DNAI4: variants seen among roughly 807,000 people sequenced by gnomAD.
DNAI4 encodes the protein WD repeat domain 78.
DNAI4 carries 85 observed loss-of-function variants against 105.8 expected under a neutral mutation model. The observed-to-expected ratio is 0.80, with a 90% CI of 0.67 to 0.96. The LOEUF (loss-of-function observed/expected upper bound fraction) is 0.96, where lower values mean the gene tolerates loss of function less well. Ranked by LOEUF, DNAI4 falls within the 40% of genes least tolerant of loss-of-function variation. DNAI4 has a pLI of 0.00. For missense variants in DNAI4, 1,014 were observed against 1,005.6 expected (o/e 1.01, Z -0.11); for synonymous variants, 352 against 331.5 (o/e 1.06, Z -0.67).
At chr1:66,829,365 C>A (rs1366052942) in intron 13 of DNAI4, among the ~76,000 whole-genome samples, 1 of 151,850 alleles carries the variant, frequency 6.6e-6, no homozygotes, top group Admixed American at 6.6e-5. Context: ...AAAGAAAAAG[C>A]ATAAAAAATG....
rs7414581 is a variant in DNAI4, at chr1:66,903,793, C to A, written c.345+1408G>T. ...TAAAGGCATAAGCCACCATGCCCAG[C>A]TGGATGCTTTTTATTTCTTTTCCTT... On this transcript the variant is annotated intron_variant, in intron 2 of 16. Coordinates refer to ENST00000371026, the MANE Select transcript of DNAI4 (RefSeq NM_024763.5). Among the ~76,000 whole-genome samples, 575 of 152,308 alleles carry A rather than the reference C, an allele frequency of 3.8e-3. 3 individuals are homozygous for A. The highest frequency in any genetic ancestry group is 0.013 in the African/African-American group (529 of 41,566).
intron 3 of DNAI4, among the ~76,000 whole-genome samples, chr1:66,892,983 AAGAAAGAAAGAAAGAG>A (rs1483245834): frequency 5.9e-4 from 78 of 132,124 alleles, no homozygotes; most frequent in African/African-American, 2.5e-3. Flanking sequence ...GAAAGAAAGA[AAGAAAGAAAGAAAGAG>A]AGAAAGAGAG....
At chr1:66,893,008 AG>A (rs374157267) in intron 3 of DNAI4, among the ~76,000 whole-genome samples, 2 of 110,262 alleles carry the variant, frequency 1.8e-5, no homozygotes, top group African/African-American at 3.7e-5. Flanking sequence ...AGAGAAAGAG[AG>A]AGAGGAAAGA....
chr1:66,865,414 AC>A (rs1646713107), intron 6 of DNAI4, among the ~76,000 whole-genome samples: 1 of 152,156 alleles, frequency 6.6e-6, no homozygotes, highest in Non-Finnish European at 1.5e-5. Context: ...TCAGAGCAAG[AC>A]CCCATCTCAA....
intron 9 of DNAI4, 26 bp downstream of exon 9, chr1:66,840,442 GA>G (rs1387175928): frequency 6.3e-7 from 1 of 1,588,116 alleles, no homozygotes; most frequent in African/African-American, 1.3e-5. Flanking sequence ...GCTAGAAACA[GA>G]ATTGTTCAAA....
intron 16 of DNAI4, among the ~76,000 whole-genome samples, chr1:66,819,592 C>T (rs1052730522): frequency 6.6e-6 from 1 of 151,934 alleles, no homozygotes; most frequent in Admixed American, 6.6e-5. Flanking sequence ...TTCCAAGGGG[C>T]TCATACTAGT....
At chr1:66,924,571 C>T in intron 1 of DNAI4, 91 bp downstream of exon 1, 1 of 1,576,772 alleles carries the variant, frequency 6.3e-7, no homozygotes, top group Non-Finnish European at 8.7e-7. Flanking sequence ...GGGTAGGGCC[C>T]CTTTCCAAAT....
At chr1:66,906,645 C>A (rs746053341) in intron 1 of DNAI4, among the ~76,000 whole-genome samples, 5 of 151,934 alleles carry the variant, frequency 3.3e-5, no homozygotes, top group Non-Finnish European at 7.4e-5. Context: ...CCTAGTATAC[C>A]ATGGACACTT....
intron 1 of DNAI4, among the ~76,000 whole-genome samples, chr1:66,916,083 TAA>T (rs34693536): frequency 4.3e-5 from 5 of 117,462 alleles, no homozygotes; most frequent in Non-Finnish European, 1.7e-5. Context: ...AGACTCTGTC[TAA>T]AAAAAAAAAA....
chr1:66,822,760 T>G (rs17129478), intron 15 of DNAI4, among the ~76,000 whole-genome samples: 19,776 of 152,128 alleles, frequency 0.13, 1,537 homozygotes, highest in East Asian at 0.21. Flanking sequence ...AACTCATAAA[T>G]TTAAACTTCT....
At chr1:66,838,176 T>C (rs1000408275) in intron 9 of DNAI4, among the ~76,000 whole-genome samples, 1 of 152,246 alleles carries the variant, frequency 6.6e-6, no homozygotes, top group African/African-American at 2.4e-5. Flanking sequence ...GTAGCTGCCA[T>C]AGACTGAATT....
At chr1:66,872,809 G>C (rs1465992920) in intron 5 of DNAI4, among the ~76,000 whole-genome samples, 1 of 151,798 alleles carries the variant, frequency 6.6e-6, no homozygotes, top group East Asian at 1.9e-4. Flanking sequence ...TCCCCTCCTG[G>C]AGAAGCAATT....
At chr1:66,816,518 A>G (rs1214457503) in intron 16 of DNAI4, among the ~76,000 whole-genome samples, 1 of 152,122 alleles carries the variant, frequency 6.6e-6, no homozygotes, top group African/African-American at 2.4e-5. Context: ...GAAGAAAGAA[A>G]AGGTATATCA....
intron 7 of DNAI4, among the ~76,000 whole-genome samples, chr1:66,851,576 T>C (rs763115399): frequency 1.1e-4 from 17 of 151,954 alleles, no homozygotes; most frequent in Admixed American, 7.9e-4. Flanking sequence ...AGAGAAATCA[T>C]AGTGTCTTCT....
At chr1:66,856,457 A>C (rs943611735) in intron 7 of DNAI4, among the ~76,000 whole-genome samples, 1 of 152,090 alleles carries the variant, frequency 6.6e-6, no homozygotes, top group African/African-American at 2.4e-5. Flanking sequence ...TGGGCGACAG[A>C]GCGAGACTCC....
intron 7 of DNAI4, among the ~76,000 whole-genome samples, chr1:66,859,398 A>G (rs190569954): frequency 6.6e-6 from 1 of 152,318 alleles, no homozygotes; most frequent in Admixed American, 6.5e-5. Context: ...GTAGTTTCGT[A>G]AAAGGCTAGG....
chr1:66,822,815 C>T (rs369118528), intron 15 of DNAI4, among the ~76,000 whole-genome samples: 1 of 152,070 alleles, frequency 6.6e-6, no homozygotes, highest in African/African-American at 2.4e-5. Context: ...CTATGGTACC[C>T]AGAGGTTTGG....
At chr1:66,908,482 A>C (rs184830501) in intron 1 of DNAI4, among the ~76,000 whole-genome samples, 103 of 152,352 alleles carry the variant, frequency 6.8e-4, no homozygotes, top group African/African-American at 2.5e-3. Flanking sequence ...GAGATTATTC[A>C]AAGTAGCTAA....
At chr1:66,857,052 T>C (rs1158286174) in intron 7 of DNAI4, among the ~76,000 whole-genome samples, 1 of 151,892 alleles carries the variant, frequency 6.6e-6, no homozygotes, top group Non-Finnish European at 1.5e-5. Flanking sequence ...TTTGAAAATA[T>C]CAGTGAAATT....
Sources: gnomAD v4.1 joint callset for allele counts (sites outside exome capture counted in the v4.1 genomes callset) on GRCh38, gnomAD v4.1.1 for gene constraint, MANE v1.5 for transcripts, NCBI Gene and HGNC (gene_info 2026-07-23, HGNC 2026-07-21) for gene names.